The following PDSS1 variants were observed in gnomAD, a reference collection of about 807,000 sequenced individuals.
The protein encoded by PDSS1 is decaprenyl diphosphate synthase subunit 1, also known as all trans-polyprenyl-diphosphate synthase PDSS1.
In PDSS1, 43 loss-of-function variants were observed where a neutral mutation model predicts 57.5. The observed-to-expected ratio is 0.75, with a 90% CI of 0.59 to 0.96. The LOEUF (loss-of-function observed/expected upper bound fraction) is 0.96, where lower values mean the gene tolerates loss of function less well. PDSS1 is among the 50% of genes least tolerant of loss of function. PDSS1 has a pLI of 0.00. For synonymous variants in PDSS1, 175 were observed against 191.3 expected, an observed-to-expected ratio of 0.91 and a Z score of 0.70; for missense variants, 438 against 527.8, an observed-to-expected ratio of 0.83 and a Z score of 1.67.
In PDSS1 at chr10:26,736,214, G is replaced by C. The variant is rs143782969; in HGVS notation, c.1026+635G>C. Among the ~76,000 whole-genome samples, 543 of 152,304 alleles carry C rather than the reference G, an allele frequency of 3.6e-3. 5 individuals carry two copies. Among genetic ancestry groups the C allele is most frequent in the East Asian group, 0.028 (145 of 5,186 alleles). On this transcript the variant is annotated intron_variant, in intron 10 of 11. Transcript: ENST00000376215. Reference sequence around the variant, plus strand: ...TAGGAAGCTTCAAAGATGTTCCCTCGACTGACAAAGCAGACATTCTCACAG... The same window carrying C: ...TAGGAAGCTTCAAAGATGTTCCCTCCACTGACAAAGCAGACATTCTCACAG...
intron 8 of PDSS1, among the ~76,000 whole-genome samples, chr10:26,731,266 G>C (rs973483937): frequency 6.6e-6 from 1 of 152,148 alleles, no homozygotes; most frequent in South Asian, 2.1e-4. Context: ...GCTTGAACCC[G>C]GGAGGTGGAG....
intron 5 of PDSS1, among the ~76,000 whole-genome samples, chr10:26,716,591 C>T (rs951081227): frequency 9.9e-5 from 15 of 151,830 alleles, no homozygotes; most frequent in Non-Finnish European, 1.3e-4. Flanking sequence ...ACCTGGGAGG[C>T]TCAGGCAGAA....
At chr10:26,717,993 C>T (rs894132355) in intron 5 of PDSS1, 3 of 151,340 alleles carry the variant, frequency 2.0e-5, no homozygotes, top group Non-Finnish European at 3.0e-5. Flanking sequence ...GCTTAAAACT[C>T]ACCTGAACCC....
chr10:26,697,863 C>G, intron 1 of PDSS1, 23 bp downstream of exon 1: 1 of 1,290,430 alleles, frequency 7.7e-7, no homozygotes, highest in Non-Finnish European at 9.9e-7. Flanking sequence ...GGCGCGCGCC[C>G]GGCGGGGCTC....
intron 4 of PDSS1, among the ~76,000 whole-genome samples, chr10:26,708,325 G>A (rs867321860): frequency 2.6e-5 from 4 of 152,146 alleles, no homozygotes; most frequent in Non-Finnish European, 5.9e-5. Flanking sequence ...AGATACAAGC[G>A]ACACACACCC....
chr10:26,729,768 T>C (rs1211463526), intron 8 of PDSS1, among the ~76,000 whole-genome samples: 1 of 152,230 alleles, frequency 6.6e-6, no homozygotes, highest in African/African-American at 2.4e-5. Context: ...TTAACCCATT[T>C]ATGCCTAGTG....
At chr10:26,717,612 A>G (rs1024507797) in intron 5 of PDSS1, 1 of 152,220 alleles carries the variant, frequency 6.6e-6, no homozygotes, top group African/African-American at 2.4e-5. Flanking sequence ...TAATAGCTTC[A>G]GATTACCAAA....
At chr10:26,721,264 A>C (rs1212981064) in intron 6 of PDSS1, among the ~76,000 whole-genome samples, 1 of 149,450 alleles carries the variant, frequency 6.7e-6, no homozygotes, top group African/African-American at 2.5e-5. Flanking sequence ...ACACTACTGC[A>C]CTCCAGCCTG....
intron 8 of PDSS1, among the ~76,000 whole-genome samples, chr10:26,733,517 T>TACA (rs1836286840): frequency 6.6e-6 from 1 of 152,162 alleles, no homozygotes; most frequent in Non-Finnish European, 1.5e-5. Flanking sequence ...TACCATGTAC[T>TACA]TATGGCCAAG....
chr10:26,724,137 G>A lies in PDSS1; in HGVS notation c.831+14G>A, dbSNP rs1488710390. On this transcript the variant is annotated intron_variant, in intron 8 of 11. Transcript: ENST00000376215. Reference sequence around the variant, plus strand: ...AGTTGTAAAGCAGTATGTACGTTCTGTCTTTCTTCAAGTTAAAGCCTCATA... The same window carrying A: ...AGTTGTAAAGCAGTATGTACGTTCTATCTTTCTTCAAGTTAAAGCCTCATA... 1.9e-6 allele frequency: 3 copies of A among 1,550,848 alleles called. No homozygotes were observed. In the African/African-American group the frequency reaches 4.1e-5, roughly 21 times the overall value.
chr10:26,736,376 G>GT (rs1836402561), intron 10 of PDSS1, among the ~76,000 whole-genome samples: 1 of 152,242 alleles, frequency 6.6e-6, no homozygotes, highest in Admixed American at 6.5e-5. Flanking sequence ...TTGCAAAGCA[G>GT]TAAGATGTTC....
At chr10:26,698,191 C>G (rs1486147353) in intron 1 of PDSS1, among the ~76,000 whole-genome samples, 1 of 151,818 alleles carries the variant, frequency 6.6e-6, no homozygotes, top group Non-Finnish European at 1.5e-5. Flanking sequence ...GCCTGGAGAG[C>G]GACTGCAGCT....
chr10:26,720,040 T>A (rs1042842816), intron 5 of PDSS1, 178 bp from the exon 6 acceptor site: 1 of 795,244 alleles, frequency 1.3e-6, no homozygotes, highest in Non-Finnish European at 2.0e-6. Context: ...TGTGGCAGGG[T>A]TTCTCATACA....
chr10:26,705,666 G>T lies in PDSS1; in HGVS notation c.336+272G>T, dbSNP rs909132116. Among the ~76,000 whole-genome samples, 4 of 152,154 alleles carry T rather than the reference G, an allele frequency of 2.6e-5. No individual in the cohort carries two copies. In the South Asian group the frequency reaches 6.2e-4, roughly 24 times the overall value. On this transcript the variant is annotated intron_variant, in intron 4 of 11. Transcript: ENST00000376215. ...TTTTTGTATTTTTAGTGAAGACGGGGTTTTGCTATGTTGGCCAGGCTGGTC... is the reference window on the plus strand; with the variant it reads ...TTTTTGTATTTTTAGTGAAGACGGGTTTTTGCTATGTTGGCCAGGCTGGTC...
intron 10 of PDSS1, chr10:26,740,669 A>G (rs934128480): frequency 2.2e-6 from 1 of 456,764 alleles, no homozygotes. Flanking sequence ...AAAAACTGGC[A>G]GCTGCTGTAA....
chr10:26,735,668 AG>A, intron 10 of PDSS1, 89 bp downstream of exon 10: 1 of 782,786 alleles, frequency 1.3e-6, no homozygotes, highest in Admixed American at 1.9e-5. Flanking sequence ...GATTGCATAA[AG>A]GAATAGATGG....
intron 6 of PDSS1, among the ~76,000 whole-genome samples, chr10:26,720,740 AAAACTAATAAAAGAAAAAAG>A (rs1406345634): frequency 6.6e-6 from 1 of 152,240 alleles, no homozygotes; most frequent in East Asian, 1.9e-4. Context: ...GCAAACAAAT[AAAACTAATAAAAGAAAAAAG>A]AAACCTCAGA....
chr10:26,704,393 G>A (rs562283100), intron 2 of PDSS1, among the ~76,000 whole-genome samples: 2 of 152,212 alleles, frequency 1.3e-5, no homozygotes, highest in Non-Finnish European at 2.9e-5. Flanking sequence ...CTAATTTTCA[G>A]GTCTGGAAAG....
At chr10:26,722,110 C>T (rs976349697) in intron 6 of PDSS1, among the ~76,000 whole-genome samples, 4 of 152,132 alleles carry the variant, frequency 2.6e-5, no homozygotes, top group African/African-American at 4.8e-5. Context: ...AGGATCTCCC[C>T]GGCCAGGTGA....
Sources: gnomAD v4.1 joint callset for allele counts (sites outside exome capture counted in the v4.1 genomes callset) on GRCh38, gnomAD v4.1.1 for gene constraint, MANE v1.5 for transcripts, NCBI Gene and HGNC (gene_info 2026-07-23, HGNC 2026-07-21) for gene names.